Variants in DGKI observed in about 807,000 individuals in gnomAD.
The protein encoded by DGKI is DAG kinase iota.
A neutral mutation model predicts 147.5 loss-of-function variants in DGKI; 55 were observed. That is an observed-to-expected ratio of 0.37 (90% CI 0.30 to 0.47). The LOEUF (loss-of-function observed/expected upper bound fraction) is 0.47, where lower values mean the gene tolerates loss of function less well. Among genes scored for constraint, DGKI ranks in the 20% least tolerant of loss-of-function variants. The probability of loss-of-function intolerance (pLI) is 1.00; values close to 1 mark genes in which losing one functional copy is unlikely to be tolerated. For missense variants in DGKI, 1,007 were observed against 1,323.8 expected (o/e 0.76, Z 3.71); for synonymous variants, 469 against 477.1 (o/e 0.98, Z 0.22).
At chr7:137,488,301 G>A (rs1396549119) in intron 21 of DGKI, among the ~76,000 whole-genome samples, 1 of 152,086 alleles carries the variant, frequency 6.6e-6, no homozygotes, top group Non-Finnish European at 1.5e-5. Flanking sequence ...TCTAGAAGAG[G>A]CAAAGCTTAA....
chr7:137,806,569 G>A (rs932372968), intron 1 of DGKI, among the ~76,000 whole-genome samples: 9 of 152,090 alleles, frequency 5.9e-5, no homozygotes, highest in African/African-American at 1.9e-4. Flanking sequence ...GAGTACCTGG[G>A]AGTACAGGCA....
chr7:137,755,376 A>G (rs1380820284), intron 1 of DGKI, among the ~76,000 whole-genome samples: 1 of 152,186 alleles, frequency 6.6e-6, no homozygotes, highest in Non-Finnish European at 1.5e-5. Context: ...CTATTTTTTC[A>G]CATGGCCTCA....
chr7:137,493,689 C>G, intron 21 of DGKI: 3 of 692,724 alleles, frequency 4.3e-6, no homozygotes, highest in Non-Finnish European at 7.8e-6. Context: ...TAAAAGATAG[C>G]AACTTCAAAG....
intron 21 of DGKI, among the ~76,000 whole-genome samples, chr7:137,521,604 G>A (rs1326357790): frequency 6.6e-6 from 1 of 152,046 alleles, no homozygotes; most frequent in Non-Finnish European, 1.5e-5. Context: ...GCAAATCTGA[G>A]ACTAAAGTGG....
Position 137,386,417 on chromosome 7 carries a change from G to A in DGKI, c.*4803C>T, listed in dbSNP as rs1325393701. The A allele has an allele frequency of 2.0e-5, 3 of 152,110 alleles. No homozygotes were observed. The highest frequency in any genetic ancestry group is 4.4e-5 in the Non-Finnish European group (3 of 68,008). The allele number at this position is 152,110 out of a possible 1,614,324, so 9.4% of individuals were successfully genotyped here. A position where few individuals can be genotyped will look rare whatever the true frequency, so the allele number is the denominator to read the frequency against. ...TGATTGTGTACCCTCATGGGACTAA[G>A]ACAGATATTTGCTAAACCTGATAGA... On this transcript the variant is annotated 3_prime_UTR_variant, in exon 33 of 33. Coordinates refer to ENST00000614521, the MANE Select transcript of DGKI (RefSeq NM_001321708.2).
At chr7:137,738,328 T>C (rs1563174669) in intron 1 of DGKI, among the ~76,000 whole-genome samples, 2 of 152,114 alleles carry the variant, frequency 1.3e-5, no homozygotes, top group Non-Finnish European at 2.9e-5. Context: ...ATTAAATACA[T>C]ACCTCTACAC....
At chr7:137,427,597 T>C (rs1375775679) in intron 28 of DGKI, among the ~76,000 whole-genome samples, 1 of 152,108 alleles carries the variant, frequency 6.6e-6, no homozygotes, top group South Asian at 2.1e-4. Context: ...CTTCAAAAAA[T>C]TAAAGAATCC....
intron 28 of DGKI, among the ~76,000 whole-genome samples, chr7:137,426,875 T>C (rs1249485152): frequency 8.5e-5 from 13 of 152,054 alleles, no homozygotes; most frequent in Non-Finnish European, 1.9e-4. Flanking sequence ...ATGCACCCAA[T>C]ACAGGAGCAC....
At chr7:137,464,447 C>A (rs1814575507) in intron 26 of DGKI, among the ~76,000 whole-genome samples, 1 of 152,094 alleles carries the variant, frequency 6.6e-6, no homozygotes, top group African/African-American at 2.4e-5. Context: ...TACCTGCTTT[C>A]CCCACTACTG....
intron 28 of DGKI, among the ~76,000 whole-genome samples, chr7:137,434,189 G>A (rs758273285): frequency 3.3e-4 from 50 of 150,190 alleles, no homozygotes; most frequent in Non-Finnish European, 5.9e-4. Context: ...CTTTTTTCCC[G>A]TTACTTTTTT....
chr7:137,427,348 G>C (rs1468886945), intron 28 of DGKI, among the ~76,000 whole-genome samples: 2 of 152,018 alleles, frequency 1.3e-5, no homozygotes, highest in African/African-American at 2.4e-5. Context: ...TTCTATGAAA[G>C]CAACGAGAAC....
chr7:137,407,416 G>T (rs1811997331), intron 30 of DGKI, among the ~76,000 whole-genome samples: 1 of 151,812 alleles, frequency 6.6e-6, no homozygotes, highest in African/African-American at 2.4e-5. Flanking sequence ...GGGTGGAAAA[G>T]ATAAATGAGA....
rs763241097 is a variant in DGKI at position 137,466,949 on chromosome 7, GA to G, written c.2444-8del. 8 of 1,612,152 alleles carry G rather than the reference GA, an allele frequency of 5.0e-6. No homozygotes were observed. The highest frequency in any genetic ancestry group is 2.2e-5 in the South Asian group (2 of 90,936). On this transcript the variant is annotated splice_region_variant and splice_polypyrimidine_tract_variant and intron_variant, in intron 24 of 32. Transcript: ENST00000614521. ...AAGCGATCAGCAGAAGTTGCTAGGGGAAAAAAAATGCAGATGGCATTCAGAA... is the reference window on the plus strand; with the variant it reads ...AAGCGATCAGCAGAAGTTGCTAGGGGAAAAAAATGCAGATGGCATTCAGAA...
intron 21 of DGKI, among the ~76,000 whole-genome samples, chr7:137,512,290 T>A (rs1022793748): frequency 1.3e-5 from 2 of 152,198 alleles, no homozygotes; most frequent in African/African-American, 2.4e-5. Context: ...ATGTGGCCAG[T>A]GTATACAACA....
At chr7:137,488,368 G>C (rs1211096426) in intron 21 of DGKI, among the ~76,000 whole-genome samples, 1 of 152,080 alleles carries the variant, frequency 6.6e-6, no homozygotes, top group African/African-American at 2.4e-5. Flanking sequence ...TAGGACCTCA[G>C]AAAACAATAA....
chr7:137,744,916 C>T (rs1795280227), intron 1 of DGKI, among the ~76,000 whole-genome samples: 1 of 152,050 alleles, frequency 6.6e-6, no homozygotes, highest in African/African-American at 2.4e-5. Flanking sequence ...CCCTATATGA[C>T]AAACTCACAG....
At chr7:137,684,933 G>A (rs1043068449) in intron 2 of DGKI, among the ~76,000 whole-genome samples, 9 of 152,108 alleles carry the variant, frequency 5.9e-5, no homozygotes, top group Non-Finnish European at 8.8e-5. Context: ...GGACGAGCAC[G>A]CACGCACAAA....
chr7:137,708,732 C>T (rs1794122106), intron 1 of DGKI, among the ~76,000 whole-genome samples: 1 of 152,082 alleles, frequency 6.6e-6, no homozygotes, highest in Non-Finnish European at 1.5e-5. Context: ...CATAAGTAAG[C>T]AAATGCATGA....
At chr7:137,750,896 G>T (rs1301780973) in intron 1 of DGKI, among the ~76,000 whole-genome samples, 1 of 152,036 alleles carries the variant, frequency 6.6e-6, no homozygotes, top group African/African-American at 2.4e-5. Context: ...AATTACACTG[G>T]AATTTAGTAA....
Sources: allele counts gnomAD v4.1 joint callset (sites outside exome capture counted in the v4.1 genomes callset), GRCh38; gene constraint gnomAD v4.1.1; transcripts MANE v1.5; gene names NCBI Gene and HGNC (gene_info 2026-07-23, HGNC 2026-07-21).